The following ZFAND4 variants were observed in gnomAD, a reference collection of about 807,000 sequenced individuals.
The protein encoded by ZFAND4 is zinc finger AN1-type containing 4, also known as AN1-type zinc finger protein 4.
Under a neutral mutation model 64.4 loss-of-function variants are expected in ZFAND4, and 43 were observed. The ratio of observed to expected loss-of-function variants is 0.67; its 90% CI spans 0.52 to 0.86. The LOEUF (loss-of-function observed/expected upper bound fraction) is 0.86, where lower values mean the gene tolerates loss of function less well. Among genes scored for constraint, ZFAND4 ranks in the 40% least tolerant of loss-of-function variants. ZFAND4 has a pLI of 0.00. For synonymous variants in ZFAND4, 296 were observed against 305.7 expected (o/e 0.97, Z 0.33); for missense variants, 929 against 859.8 (o/e 1.08, Z -1.01).
At chr10:45,628,683 G>A (rs1207798129) in intron 6 of ZFAND4, among the ~76,000 whole-genome samples, 1 of 151,990 alleles carries the variant, frequency 6.6e-6, no homozygotes, top group East Asian at 1.9e-4. Flanking sequence ...TGAAATTAAT[G>A]ACAGCTGCCT....
At chr10:45,656,352 C>A (rs1181392679) in intron 2 of ZFAND4, among the ~76,000 whole-genome samples, 2 of 151,126 alleles carry the variant, frequency 1.3e-5, no homozygotes, top group Admixed American at 6.6e-5. Context: ...GTAATCCCAG[C>A]ACTTTGGGAG....
intron 7 of ZFAND4, 143 bp downstream of exon 7, chr10:45,625,808 A>G: frequency 1.1e-6 from 1 of 878,250 alleles, no homozygotes; most frequent in East Asian, 2.7e-5. Context: ...GATTTTATAC[A>G]AACTAAATAA....
rs146513871 is a variant in ZFAND4, at chr10:45,645,200, C to T, written c.569+3094G>A. ...GTTGCCCGGACTTGTCTCAAACTCCCGGACTCAAGAGATTCGCCCACCTTC... is the reference window on the plus strand; with the variant it reads ...GTTGCCCGGACTTGTCTCAAACTCCTGGACTCAAGAGATTCGCCCACCTTC... On this transcript the variant is annotated intron_variant, in intron 5 of 9. Transcript: ENST00000344646. Among the ~76,000 whole-genome samples the T allele has an allele frequency of 4.2e-3, 636 of 152,168 alleles. 5 individuals are homozygous for T. Among genetic ancestry groups the T allele is most frequent in the African/African-American group, 0.015 (602 of 41,496 alleles).
At chr10:45,662,463 G>T in intron 2 of ZFAND4, 1 of 350,036 alleles carries the variant, frequency 2.9e-6, no homozygotes. Context: ...AAAGTACAGA[G>T]ATTATTTACA....
chr10:45,652,183 A>G (rs937491455), intron 3 of ZFAND4, 150 bp from the exon 4 acceptor site: 3 of 698,292 alleles, frequency 4.3e-6, no homozygotes, highest in Non-Finnish European at 7.4e-6. Context: ...AAATGTTAAC[A>G]TATTTACTGG....
chr10:45,626,142 C>T lies in ZFAND4; in HGVS notation c.1681G>A (p.Val561Ile). 3 of 1,614,188 alleles carry T rather than the reference C, an allele frequency of 1.9e-6. No individual in the cohort carries two copies. Among genetic ancestry groups the T allele is most frequent in the Non-Finnish European group, 2.5e-6 (3 of 1,180,042 alleles). The change falls in exon 7 of 10, where the codon GTT becomes ATT. Residue 561 changes from valine (V) to isoleucine (I), a missense_variant. Transcript: ENST00000344646. Reference sequence around the variant, plus strand: ...AAACTGATATTATTTACACAACCAACAGGCTCTTTGGAAGCCTTGTTAGTC... The same window carrying T: ...AAACTGATATTATTTACACAACCAATAGGCTCTTTGGAAGCCTTGTTAGTC... ...EMTNKASKEP[V>I]GCVNNISFLA...
intron 8 of ZFAND4, among the ~76,000 whole-genome samples, chr10:45,619,202 CT>C (rs1170186965): frequency 1.1e-4 from 16 of 147,346 alleles, no homozygotes; most frequent in East Asian, 2.0e-4. Flanking sequence ...CCACGCTCAG[CT>C]TTTTTTTTTG....
At chr10:45,622,816 T>C (rs2045526806) in intron 8 of ZFAND4, among the ~76,000 whole-genome samples, 1 of 152,218 alleles carries the variant, frequency 6.6e-6, no homozygotes, top group Non-Finnish European at 1.5e-5. Context: ...AAAGTTGTTG[T>C]ATACTGTTAA....
chr10:45,635,602 A>G lies in ZFAND4; in HGVS notation c.717+4214T>C, dbSNP rs145383730. On this transcript the variant is annotated intron_variant, in intron 6 of 9. Transcript: ENST00000344646. ...ACATTGAAAGTAGGGTCTCAAAGAC[A>G]TATTTGTATACTTATGTTCATAGCA... Among the ~76,000 whole-genome samples the G allele has an allele frequency of 2.2e-3, 334 of 152,336 alleles. 2 individuals carry two copies. Among genetic ancestry groups the G allele is most frequent in the African/African-American group, 7.5e-3 (313 of 41,582 alleles).
chr10:45,640,378 C>T (rs181387904), intron 5 of ZFAND4: 9 of 1,226,212 alleles, frequency 7.3e-6, no homozygotes, highest in Middle Eastern at 2.3e-4. Flanking sequence ...AAATTTGGCA[C>T]GGGAGAGAAG....
intron 6 of ZFAND4, among the ~76,000 whole-genome samples, chr10:45,630,519 A>G (rs906397778): frequency 1.3e-4 from 20 of 152,174 alleles, no homozygotes; most frequent in African/African-American, 4.6e-4. Flanking sequence ...CGAGGTCAGG[A>G]GATCGAGACC....
chr10:45,631,620 A>G (rs932473312), intron 6 of ZFAND4, among the ~76,000 whole-genome samples: 2 of 152,220 alleles, frequency 1.3e-5, no homozygotes, highest in Non-Finnish European at 2.9e-5. Flanking sequence ...AAAGCAAAGC[A>G]TAGCAGAGCA....
chr10:45,646,390 C>T (rs924848723), intron 5 of ZFAND4, among the ~76,000 whole-genome samples: 1 of 152,144 alleles, frequency 6.6e-6, no homozygotes, highest in African/African-American at 2.4e-5. Flanking sequence ...TATAAATGTT[C>T]TTCATGGTAT....
At chr10:45,617,770 T>G (rs1011962004) in intron 9 of ZFAND4, 1 of 152,290 alleles carries the variant, frequency 6.6e-6, no homozygotes, top group African/African-American at 2.4e-5. Context: ...AAATATATTA[T>G]TCATCTATTT....
At chr10:45,620,148 G>A (rs2045307067) in intron 8 of ZFAND4, among the ~76,000 whole-genome samples, 1 of 151,772 alleles carries the variant, frequency 6.6e-6, no homozygotes, top group Non-Finnish European at 1.5e-5. Flanking sequence ...CTTTTCTTAG[G>A]GGATGCTTAA....
chr10:45,629,656 T>C (rs1294809695), intron 6 of ZFAND4, among the ~76,000 whole-genome samples: 5 of 151,100 alleles, frequency 3.3e-5, no homozygotes, highest in Non-Finnish European at 7.4e-5. Context: ...AGTTCAGGAG[T>C]TCAAGACCAG....
intron 2 of ZFAND4, among the ~76,000 whole-genome samples, chr10:45,654,617 C>CA (rs879929113): frequency 0.011 from 1,342 of 120,874 alleles, 18 homozygotes; most frequent in East Asian, 0.06. Flanking sequence ...GACTCCATCT[C>CA]AAAAAAAAAA....
intron 5 of ZFAND4, among the ~76,000 whole-genome samples, chr10:45,645,318 C>T (rs115133418): frequency 0.06 from 9,079 of 152,166 alleles, 383 homozygotes; most frequent in African/African-American, 0.12. Context: ...TATTCATCAG[C>T]AGGTATTTCA....
chr10:45,653,146 C>T, intron 2 of ZFAND4, 87 bp from the exon 3 acceptor site: 2 of 975,470 alleles, frequency 2.1e-6, no homozygotes, highest in Non-Finnish European at 3.1e-6. Context: ...CATTAAGGAA[C>T]TAAGAGCACT....
Sources: gnomAD v4.1 joint callset for allele counts (sites outside exome capture counted in the v4.1 genomes callset) on GRCh38, gnomAD v4.1.1 for gene constraint, MANE v1.5 for transcripts, NCBI Gene and HGNC (gene_info 2026-07-23, HGNC 2026-07-21) for gene names.